CNIH3: variants seen among roughly 807,000 people sequenced by gnomAD.
CNIH3 encodes cornichon family AMPA receptor auxiliary protein 3.
In CNIH3, 14 loss-of-function variants were observed where a neutral mutation model predicts 24.1. The observed-to-expected ratio is 0.58, with a 90% CI of 0.38 to 0.91. The LOEUF is 0.91. CNIH3 is among the 40% of genes least tolerant of loss of function. The probability of loss-of-function intolerance (pLI) is 0.00; values close to 1 mark genes in which losing one functional copy is unlikely to be tolerated. For synonymous variants in CNIH3, 68 were observed against 73.8 expected (o/e 0.92, Z 0.40); for missense variants, 178 against 196.8 (o/e 0.90, Z 0.57).
At chr1:224,663,999 G>A (rs1391514091) in intron 1 of CNIH3, among the ~76,000 whole-genome samples, 6 of 152,240 alleles carry the variant, frequency 3.9e-5, no homozygotes, top group African/African-American at 1.4e-4. Flanking sequence ...TGCACAGAAA[G>A]CCAATTACCG....
At chr1:224,726,386 A>G (rs1265145954) in intron 3 of CNIH3, among the ~76,000 whole-genome samples, 1 of 152,238 alleles carries the variant, frequency 6.6e-6, no homozygotes, top group Non-Finnish European at 1.5e-5. Context: ...ATTTCAGCAC[A>G]AAGTGGTTGT....
intron 3 of CNIH3, among the ~76,000 whole-genome samples, chr1:224,710,272 A>G (rs6669720): frequency 0.21 from 31,307 of 152,126 alleles, 3,660 homozygotes; most frequent in African/African-American, 0.33. Flanking sequence ...TGTGGATTCT[A>G]TTTCCCGAGT....
At chr1:224,615,477 C>T (rs1488872939), upstream of CNIH3, 1 of 152,160 alleles carries the variant, frequency 6.6e-6, no homozygotes, top group African/African-American at 2.4e-5. Context: ...TGAACGTATA[C>T]CAAGTGCTAG....
rs1173590245 is a variant in CNIH3, at chr1:224,648,427, AAAG to A, written c.81+31175_81+31177del. ...CTCTGTCTCAGGAAAAAAAAAAAAA[AAAG>A]AAAAGAAAATGGTAATGAGACCTGT... On this transcript the variant is annotated intron_variant, in intron 1 of 5. Transcript: ENST00000272133. Among the ~76,000 whole-genome samples, 536 of 151,864 alleles carry A rather than the reference AAAG, an allele frequency of 3.5e-3. 5 individuals are homozygous for A. The highest frequency in any genetic ancestry group is 0.012 in the African/African-American group (505 of 41,358).
At chr1:224,484,768 G>C (rs533878483) in intron 1 of CNIH3, among the ~76,000 whole-genome samples, 33 of 152,038 alleles carry the variant, frequency 2.2e-4, no homozygotes, top group Non-Finnish European at 3.8e-4. Context: ...TATCTACTTT[G>C]CCGTTAATCC....
intron 5 of CNIH3, among the ~76,000 whole-genome samples, chr1:224,583,765 TG>T (rs1333994958): frequency 4.6e-5 from 7 of 152,210 alleles, no homozygotes; most frequent in African/African-American, 1.4e-4. Context: ...TTATATTCCC[TG>T]GCTAAAAATC....
intron 1 of CNIH3, among the ~76,000 whole-genome samples, chr1:224,632,293 A>G (rs1258621715): frequency 1.3e-5 from 2 of 152,176 alleles, no homozygotes; most frequent in Non-Finnish European, 2.9e-5. Flanking sequence ...TAGAGCAGGT[A>G]TAGGCAGACC....
At chr1:224,603,348 AAGATTTTAGT>A (rs1347013900) in intron 3 of CNIH3, among the ~76,000 whole-genome samples, 1 of 152,196 alleles carries the variant, frequency 6.6e-6, no homozygotes, top group African/African-American at 2.4e-5. Flanking sequence ...CTGGGGACCC[AAGATTTTAGT>A]TTTCTTTCAC....
At chr1:224,573,357 G>A (rs1212629203) in intron 4 of CNIH3, among the ~76,000 whole-genome samples, 1 of 152,144 alleles carries the variant, frequency 6.6e-6, no homozygotes, top group African/African-American at 2.4e-5. Context: ...AAGGTGCAAG[G>A]TACAGCCTTT....
At chr1:224,727,186 A>G (rs1689077597) in intron 3 of CNIH3, among the ~76,000 whole-genome samples, 1 of 152,222 alleles carries the variant, frequency 6.6e-6, no homozygotes, top group African/African-American at 2.4e-5. Context: ...GAGGATAAAC[A>G]GTGAAGAGCA....
At chr1:224,636,147 T>G (rs1263481942) in intron 1 of CNIH3, among the ~76,000 whole-genome samples, 20 of 152,222 alleles carry the variant, frequency 1.3e-4, no homozygotes, top group Admixed American at 1.3e-3. Flanking sequence ...TTAGAAGTGT[T>G]GGTTGCTCTG....
At chr1:224,672,149 G>A (rs1685896438) in intron 1 of CNIH3, among the ~76,000 whole-genome samples, 2 of 152,096 alleles carry the variant, frequency 1.3e-5, no homozygotes, top group Admixed American at 1.3e-4. Context: ...CAAGACAGAG[G>A]AAGTAAAAAG....
chr1:224,448,290 C>A (rs1180645925), intron 1 of CNIH3, among the ~76,000 whole-genome samples: 1 of 152,108 alleles, frequency 6.6e-6, no homozygotes, highest in African/African-American at 2.4e-5. Flanking sequence ...CACAGAGCAT[C>A]TTGATAGATA....
chr1:224,579,067 C>CTTTTTTTTTT (rs60330387), intron 4 of CNIH3, among the ~76,000 whole-genome samples: 1 of 138,958 alleles, frequency 7.2e-6, no homozygotes. Flanking sequence ...TTTCTTTTTT[C>CTTTTTTTTTT]TTTTTTTTTT....
At chr1:224,471,901 T>C (rs999506685) in intron 1 of CNIH3, among the ~76,000 whole-genome samples, 1 of 152,216 alleles carries the variant, frequency 6.6e-6, no homozygotes, top group African/African-American at 2.4e-5. Context: ...CTCATTCTTT[T>C]TTTTATAGCT....
chr1:224,677,751 TCAGA>T (rs1686207733), intron 1 of CNIH3, among the ~76,000 whole-genome samples: 1 of 152,136 alleles, frequency 6.6e-6, no homozygotes, highest in Admixed American at 6.5e-5. Flanking sequence ...CTCCCTGCAC[TCAGA>T]CAGAGACACA....
intron 3 of CNIH3, among the ~76,000 whole-genome samples, chr1:224,709,316 C>T (rs1688000247): frequency 6.6e-6 from 1 of 152,212 alleles, no homozygotes; most frequent in African/African-American, 2.4e-5. Context: ...TCTTGGGCAT[C>T]TTTACCTGGT....
chr1:224,663,278 C>T (rs791014), intron 1 of CNIH3, among the ~76,000 whole-genome samples: 9,010 of 152,090 alleles, frequency 0.059, 731 homozygotes, highest in African/African-American at 0.18. Flanking sequence ...TCTCTGGGCC[C>T]ACAACTACAT....
At chr1:224,486,377 T>G (rs1677031449) in intron 1 of CNIH3, among the ~76,000 whole-genome samples, 1 of 152,102 alleles carries the variant, frequency 6.6e-6, no homozygotes, top group South Asian at 2.1e-4. Context: ...CCTCCCAAAG[T>G]GCTGGGATTA....
Sources: allele counts gnomAD v4.1 joint callset (sites outside exome capture counted in the v4.1 genomes callset), GRCh38; gene constraint gnomAD v4.1.1; transcripts MANE v1.5; gene names NCBI Gene and HGNC (gene_info 2026-07-23, HGNC 2026-07-21).